PAPPA2: variants seen among roughly 807,000 people sequenced by gnomAD.
PAPPA2 encodes the protein pappalysin 2.
PAPPA2 carries 86 observed loss-of-function variants against 176.4 expected under a neutral mutation model. That is an observed-to-expected ratio of 0.49 (90% confidence interval 0.41 to 0.58). PAPPA2 has a LOEUF of 0.58. Ranked by LOEUF, PAPPA2 falls within the 20% of genes least tolerant of loss-of-function variation. The pLI, the probability that PAPPA2 is intolerant of heterozygous loss-of-function variation, is 0.00. For missense variants in PAPPA2, 2,073 were observed against 2,256.9 expected (o/e 0.92, Z 1.65); for synonymous variants, 809 against 852.2 (o/e 0.95, Z 0.88).
At chr1:176,547,901 T>TA (rs886491399) in intron 1 of PAPPA2, among the ~76,000 whole-genome samples, 3 of 152,164 alleles carry the variant, frequency 2.0e-5, no homozygotes, top group African/African-American at 7.2e-5. Context: ...CAGGATTTTT[T>TA]AAAAAATGTG....
At chr1:176,841,377 C>T (rs16850239) in intron 22 of PAPPA2, among the ~76,000 whole-genome samples, 11,496 of 152,048 alleles carry the variant, frequency 0.076, 1,487 homozygotes, top group African/African-American at 0.26. Flanking sequence ...CTGTTGACTC[C>T]TAAATCACAT....
intron 1 of PAPPA2, among the ~76,000 whole-genome samples, chr1:176,489,524 G>A (rs951696920): frequency 2.6e-5 from 4 of 152,152 alleles, no homozygotes; most frequent in African/African-American, 9.7e-5. Context: ...GTAGGTAAAT[G>A]CCTGAAATCT....
chr1:176,696,680 T>A (rs1285271147), intron 7 of PAPPA2, among the ~76,000 whole-genome samples: 1 of 152,222 alleles, frequency 6.6e-6, no homozygotes, highest in East Asian at 1.9e-4. Flanking sequence ...TCATCATCTT[T>A]AATGTTTACC....
chr1:176,826,124 G>A (rs1038571171), intron 21 of PAPPA2, among the ~76,000 whole-genome samples: 3 of 152,130 alleles, frequency 2.0e-5, no homozygotes, highest in Admixed American at 6.5e-5. Context: ...AATGAACCTC[G>A]GTAGTGTGAT....
chr1:176,633,892 G>A (rs1656500523), intron 3 of PAPPA2, among the ~76,000 whole-genome samples: 1 of 152,182 alleles, frequency 6.6e-6, no homozygotes, highest in African/African-American at 2.4e-5. Flanking sequence ...ACCACAATGA[G>A]ATATCATCTC....
At chr1:176,754,017 GTT>G (rs143392724) in intron 14 of PAPPA2, among the ~76,000 whole-genome samples, 33 of 136,670 alleles carry the variant, frequency 2.4e-4, no homozygotes, top group Admixed American at 6.6e-4. Flanking sequence ...CTTTTCAACT[GTT>G]TTTTTTTTTT....
chr1:176,735,740 CATCT>C (rs1451546140), intron 12 of PAPPA2, among the ~76,000 whole-genome samples: 16 of 141,178 alleles, frequency 1.1e-4, no homozygotes, highest in Non-Finnish European at 2.0e-4. Flanking sequence ...ATCTATCTAT[CATCT>C]ATCTGTCTGT....
chr1:176,468,722 C>G (rs1446532190), intron 1 of PAPPA2, among the ~76,000 whole-genome samples: 1 of 152,112 alleles, frequency 6.6e-6, no homozygotes, highest in Non-Finnish European at 1.5e-5. Context: ...TTGACTTGGC[C>G]ACTTAGGTAC....
chr1:176,799,236 A>G (rs540233371), intron 20 of PAPPA2, among the ~76,000 whole-genome samples: 17 of 152,346 alleles, frequency 1.1e-4, no homozygotes, highest in African/African-American at 4.1e-4. Flanking sequence ...TATCCTTAGA[A>G]AAGCATATTC....
intron 3 of PAPPA2, among the ~76,000 whole-genome samples, chr1:176,601,448 A>G (rs1218542995): frequency 6.6e-6 from 1 of 152,194 alleles, no homozygotes; most frequent in Non-Finnish European, 1.5e-5. Context: ...AGAGAGCCTG[A>G]CGCATCCAGC....
At chr1:176,723,300 A>G (rs892876727) in intron 12 of PAPPA2, among the ~76,000 whole-genome samples, 4 of 152,216 alleles carry the variant, frequency 2.6e-5, no homozygotes, top group Non-Finnish European at 5.9e-5. Flanking sequence ...CATTTAAGCT[A>G]TAGCATACCC....
intron 21 of PAPPA2, among the ~76,000 whole-genome samples, chr1:176,826,806 T>C (rs529597597): frequency 5.3e-5 from 8 of 152,188 alleles, no homozygotes; most frequent in African/African-American, 1.9e-4. Flanking sequence ...GAATAGAAAA[T>C]GTGCGGGGCC....
intron 3 of PAPPA2, among the ~76,000 whole-genome samples, chr1:176,615,171 G>A (rs755838047): frequency 1.3e-5 from 2 of 152,134 alleles, no homozygotes; most frequent in Non-Finnish European, 2.9e-5. Flanking sequence ...ATAATTAATA[G>A]CTCCCTCCCA....
At chr1:176,493,330 T>TTAGTTTTTAATATGTCA (rs1647398825) in intron 1 of PAPPA2, among the ~76,000 whole-genome samples, 6 of 152,226 alleles carry the variant, frequency 3.9e-5, no homozygotes, top group Admixed American at 3.9e-4. Context: ...GCTCTTAGAC[T>TTAGTTTTTAATATGTCA]GTTAGTTTTT....
chr1:176,825,747 A>G (rs545120092), intron 21 of PAPPA2, among the ~76,000 whole-genome samples: 128 of 152,362 alleles, frequency 8.4e-4, no homozygotes, highest in African/African-American at 2.7e-3. Flanking sequence ...TACGTATTAT[A>G]TCCCCATAGT....
At chr1:176,715,173 CTTTAG>C (rs918466636) in intron 12 of PAPPA2, among the ~76,000 whole-genome samples, 1 of 152,190 alleles carries the variant, frequency 6.6e-6, no homozygotes, top group African/African-American at 2.4e-5. Flanking sequence ...ATAATTCTAT[CTTTAG>C]TACCCACTGT....
chr1:176,626,605 G>A lies in PAPPA2; in HGVS notation c.1991+31010G>A, dbSNP rs1016714577. Among the ~76,000 whole-genome samples the A allele has an allele frequency of 3.9e-5, 6 of 152,138 alleles. No homozygotes were observed. In the South Asian group the frequency reaches 1.2e-3, roughly 32 times the overall value. On this transcript the variant is annotated intron_variant, in intron 3 of 22. Transcript: ENST00000367662. ...CATAGTAGTCATTTAAAATGACTGG[G>A]TTAAAAATAAAAACTTAGACAGTGT... is the stretch of plus-strand genomic sequence containing the variant.
At chr1:176,741,469 G>A (rs138704101) in intron 14 of PAPPA2, among the ~76,000 whole-genome samples, 31 of 152,248 alleles carry the variant, frequency 2.0e-4, no homozygotes, top group South Asian at 1.2e-3. Flanking sequence ...AGCCAGAGAC[G>A]GTGAACACGT....
At chr1:176,790,605 C>G (rs1665132350) in intron 18 of PAPPA2, among the ~76,000 whole-genome samples, 1 of 152,088 alleles carries the variant, frequency 6.6e-6, no homozygotes, top group Non-Finnish European at 1.5e-5. Flanking sequence ...CACCATGGAA[C>G]AGATGTGAAA....
Sources: gnomAD v4.1 joint callset for allele counts (sites outside exome capture counted in the v4.1 genomes callset) on GRCh38, gnomAD v4.1.1 for gene constraint, MANE v1.5 for transcripts, NCBI Gene and HGNC (gene_info 2026-07-23, HGNC 2026-07-21) for gene names.